OVCH2: variants seen among roughly 807,000 people sequenced by gnomAD.
OVCH2 encodes ovochymase 2, also known as ovochymase-2.
A neutral mutation model predicts 73.7 loss-of-function variants in OVCH2; 88 were observed. That is an observed-to-expected ratio of 1.19 (90% CI 1.01 to 1.43). OVCH2 has a LOEUF of 1.43. Among genes scored for constraint, OVCH2 ranks in the 40% most tolerant of loss-of-function variants. OVCH2 has a pLI of 0.00. For missense variants in OVCH2, 706 were observed against 674.5 expected, an observed-to-expected ratio of 1.05 and a Z score of -0.52; for synonymous variants, 265 against 234.5, an observed-to-expected ratio of 1.13 and a Z score of -1.19.
intron 1 of OVCH2, among the ~76,000 whole-genome samples, chr11:7,706,026 C>T (rs1856523506): frequency 6.6e-6 from 1 of 152,066 alleles, no homozygotes; most frequent in Non-Finnish European, 1.5e-5. Context: ...GTAATGGGTT[C>T]AAGTAAGTGA....
At chr11:7,690,538 C>T (rs555010984) in intron 14 of OVCH2, among the ~76,000 whole-genome samples, 1 of 152,206 alleles carries the variant, frequency 6.6e-6, no homozygotes, top group East Asian at 1.9e-4. Flanking sequence ...CATACAGTCA[C>T]TCGTTCTTTG....
Position 7,700,453 on chromosome 11 carries a change from A to T in OVCH2, c.744T>A (p.Asn248Lys). ...CAGCCAGAGTCCAGGCCCCTTTCTTATTCCGGCACATGAGTGAACCTCCTG... is the reference window on the plus strand; with the variant it reads ...CAGCCAGAGTCCAGGCCCCTTTCTTTTTCCGGCACATGAGTGAACCTCCTG... ...GDSGGSLMCR[N>K]KKGAWTLAGV... The change falls in exon 7 of 16, where the codon AAT becomes AAA. Residue 248 changes from asparagine (N) to lysine (K), a missense_variant. Transcript: ENST00000533663. The T allele has an allele frequency of 6.2e-7, 1 of 1,609,814 alleles. No individual in the cohort carries two copies. The highest frequency in any genetic ancestry group is 8.5e-7 in the Non-Finnish European group (1 of 1,178,062).
At chr11:7,703,848 G>A (rs551052165) in intron 2 of OVCH2, 59 bp from the exon 3 acceptor site, 30 of 1,319,002 alleles carry the variant, frequency 2.3e-5, no homozygotes, top group African/African-American at 1.7e-4. Flanking sequence ...CCCTAAACAC[G>A]GTGATGAAGC....
downstream of OVCH2, among the ~76,000 whole-genome samples, chr11:7,684,792 G>T (rs1228104995): frequency 6.6e-6 from 1 of 152,118 alleles, no homozygotes; most frequent in Non-Finnish European, 1.5e-5. Context: ...TAGTGCTGAG[G>T]AGCTTCCTGA....
intron 1 of OVCH2, among the ~76,000 whole-genome samples, chr11:7,705,019 A>C (rs1349677517): frequency 6.6e-6 from 1 of 152,200 alleles, no homozygotes; most frequent in Non-Finnish European, 1.5e-5. Flanking sequence ...ACTCCTCAGC[A>C]AAGAGGTAGA....
chr11:7,690,828 CCAAG>C (rs1441869326), intron 14 of OVCH2, among the ~76,000 whole-genome samples: 1 of 151,920 alleles, frequency 6.6e-6, no homozygotes, highest in Non-Finnish European at 1.5e-5. Flanking sequence ...TAAAATGGCC[CCAAG>C]CATAGTGCTG....
In OVCH2 at chr11:7,700,434, G is replaced by A. The variant is rs1324171455; in HGVS notation, c.763C>T (p.Leu255=). 4 of 1,611,920 alleles carry A rather than the reference G, an allele frequency of 2.5e-6. No homozygotes were observed. Among genetic ancestry groups the A allele is most frequent in the Admixed American group, 1.7e-5 (1 of 59,696 alleles). ...AAACCCCAGGAAGTCACACCAGCCAGAGTCCAGGCCCCTTTCTTATTCCGG... is the reference window on the plus strand; with the variant it reads ...AAACCCCAGGAAGTCACACCAGCCAAAGTCCAGGCCCCTTTCTTATTCCGG... ...MCRNKKGAWT[L]AGVTSWGLGC... The change falls in exon 7 of 16, where the codon CTG becomes TTG. Residue 255 remains leucine (L), a synonymous_variant. Transcript: ENST00000533663.
chr11:7,685,240 T>A (rs1294303662), downstream of OVCH2, among the ~76,000 whole-genome samples: 1 of 151,944 alleles, frequency 6.6e-6, no homozygotes, highest in Admixed American at 6.6e-5. Context: ...AGGCACAGAA[T>A]GGGAGGGAGA....
At chr11:7,696,193 T>C (rs995198284) in intron 10 of OVCH2, among the ~76,000 whole-genome samples, 3 of 152,316 alleles carry the variant, frequency 2.0e-5, no homozygotes, top group Middle Eastern at 6.8e-3. Flanking sequence ...GGAATATATC[T>C]AGAGTTTATT....
chr11:7,697,415 T>A (rs1462655146), intron 8 of OVCH2, among the ~76,000 whole-genome samples: 1 of 152,206 alleles, frequency 6.6e-6, no homozygotes, highest in Non-Finnish European at 1.5e-5. Context: ...TTCGTCCTCA[T>A]CTGCTCTGTC....
intron 10 of OVCH2, among the ~76,000 whole-genome samples, chr11:7,696,066 C>A (rs1255405694): frequency 6.6e-6 from 1 of 152,202 alleles, no homozygotes; most frequent in Non-Finnish European, 1.5e-5. Context: ...TTGTAAGTAA[C>A]CTGTCTCCTT....
chr11:7,685,292 G>A (rs74054113), downstream of OVCH2, among the ~76,000 whole-genome samples: 634 of 152,246 alleles, frequency 4.2e-3, 3 homozygotes, highest in African/African-American at 0.014. Flanking sequence ...ACCGAACTAC[G>A]TGAGATAACC....
At chr11:7,690,703 G>C (rs11824817) in intron 14 of OVCH2, among the ~76,000 whole-genome samples, 7,020 of 152,036 alleles carry the variant, frequency 0.046, 192 homozygotes, top group Middle Eastern at 0.071. Flanking sequence ...GTAAAACAAG[G>C]CAATATTTTG....
intron 2 of OVCH2, 47 bp from the exon 3 acceptor site, chr11:7,703,836 C>A (rs1025139507): frequency 2.8e-6 from 4 of 1,449,182 alleles, no homozygotes; most frequent in African/African-American, 1.4e-5. Flanking sequence ...GCCCTGGGAT[C>A]CCCCTAAACA....
At chr11:7,704,779 G>C in intron 1 of OVCH2, 105 bp from the exon 2 acceptor site, 1 of 703,168 alleles carries the variant, frequency 1.4e-6, no homozygotes, top group Non-Finnish European at 2.5e-6. Context: ...ATGGTGTATG[G>C]TGCTCAGCAC....
intron 14 of OVCH2, among the ~76,000 whole-genome samples, chr11:7,690,478 G>A (rs1280788209): frequency 6.8e-6 from 1 of 146,438 alleles, no homozygotes; most frequent in African/African-American, 2.5e-5. Flanking sequence ...TGAGTCTGAG[G>A]TGACTCTTAA....
At chr11:7,702,612 T>C (rs979926772) in intron 3 of OVCH2, among the ~76,000 whole-genome samples, 2 of 152,162 alleles carry the variant, frequency 1.3e-5, no homozygotes, top group Non-Finnish European at 2.9e-5. Context: ...GCACATACAT[T>C]GTAGTTCAGG....
At chr11:7,689,896 G>A in intron 15 of OVCH2, 28 bp downstream of exon 15, 1 of 1,273,288 alleles carries the variant, frequency 7.9e-7, no homozygotes, top group Non-Finnish European at 1.1e-6. Context: ...TACTCTGTGT[G>A]TATCAATTGG....
chr11:7,706,476 G>A lies in OVCH2; in HGVS notation c.-82C>T, dbSNP rs988707345. ...GGAAGCCTTGAGAGACCAGCAATAA[G>A]CCAATTTAAAACAAGTTTATTCATT... is the stretch of plus-strand genomic sequence containing the variant. On this transcript the variant is annotated 5_prime_UTR_variant, in exon 1 of 16. Coordinates refer to ENST00000533663, the MANE Select transcript of OVCH2 (RefSeq NM_198185.7). 7.4e-6 allele frequency: 11 copies of A among 1,485,406 alleles called. No individual in the cohort carries two copies. The highest frequency in any genetic ancestry group is 2.9e-5 in the African/African-American group (2 of 69,906). 92.0% of individuals were successfully genotyped at this position (1,485,406 alleles called of 1,614,324 possible). A position where few individuals can be genotyped will look rare whatever the true frequency, so the allele number is the denominator to read the frequency against.
Sources: allele counts gnomAD v4.1 joint callset (sites outside exome capture counted in the v4.1 genomes callset), GRCh38; gene constraint gnomAD v4.1.1; transcripts MANE v1.5; gene names NCBI Gene and HGNC (gene_info 2026-07-23, HGNC 2026-07-21).